The following RSBN1L variants were observed in gnomAD, a reference collection of about 807,000 sequenced individuals.
The protein encoded by RSBN1L is lysine-specific demethylase RSBN1L.
A neutral mutation model predicts 67.7 loss-of-function variants in RSBN1L; 30 were observed. That is an observed-to-expected ratio of 0.44 (90% CI 0.33 to 0.60). RSBN1L has a LOEUF of 0.60. RSBN1L is among the 20% of genes least tolerant of loss of function. The pLI, the probability that RSBN1L is intolerant of heterozygous loss-of-function variation, is 0.02. For missense variants in RSBN1L, 992 were observed against 1,031.7 expected, an observed-to-expected ratio of 0.96 and a Z score of 0.53; for synonymous variants, 433 against 387.0, an observed-to-expected ratio of 1.12 and a Z score of -1.39.
rs185824156 is a variant in RSBN1L at position 77,704,027 on chromosome 7, T to C, written c.586+6972T>C. Among the ~76,000 whole-genome samples, 220 of 152,350 alleles carry C rather than the reference T, an allele frequency of 1.4e-3. 1 individual carries two copies. Among genetic ancestry groups the C allele is most frequent in the African/African-American group, 5.1e-3 (214 of 41,580 alleles). On this transcript the variant is annotated intron_variant, in intron 1 of 7. Transcript: ENST00000334955. ...TTTCACAGGGTGATTGTTAGAATTATGTGAACATGGTATATTGTAGAACCT... is the reference window on the plus strand; with the variant it reads ...TTTCACAGGGTGATTGTTAGAATTACGTGAACATGGTATATTGTAGAACCT...
rs773215555 is a variant in RSBN1L at position 77,696,916 on chromosome 7, C to T, written c.447C>T (p.Ala149=). 3 of 1,602,386 alleles carry T rather than the reference C, an allele frequency of 1.9e-6. No individual in the cohort carries two copies. The highest frequency in any genetic ancestry group is 2.2e-5 in the East Asian group (1 of 44,666). ...PHHLLLPAAA[A]AASANAKSRR... is the part of the protein sequence containing the mutation. Reference sequence around the variant, plus strand: ...ATCTCCTCCTGCCCGCCGCCGCCGCCGCTGCCTCGGCTAACGCCAAGTCGC... The same window carrying T: ...ATCTCCTCCTGCCCGCCGCCGCCGCTGCTGCCTCGGCTAACGCCAAGTCGC... Residue 149 remains alanine (A), a synonymous_variant, in exon 1 of 8, where the codon GCC becomes GCT. Coordinates refer to ENST00000334955, the MANE Select transcript of RSBN1L (RefSeq NM_198467.3).
Position 77,709,198 on chromosome 7 carries a change from A to ATGTATG in RSBN1L, c.586+12159_586+12164dup, listed in dbSNP as rs1554337044. The stretch of plus-strand genomic sequence containing the variant: ...TGTGTGTGTGTGTGTGTGTGTGTGT[A>ATGTATG]TGTATGTGTATGTGTATGTGTGTCT... On this transcript the variant is annotated intron_variant, in intron 1 of 7. Transcript: ENST00000334955. 5.6e-3 allele frequency among the ~76,000 whole-genome samples: 358 copies of ATGTATG among 63,630 alleles called. 6 individuals carry two copies. The highest frequency in any genetic ancestry group is 0.014 in the African/African-American group (291 of 21,110). 41.7% of individuals were successfully genotyped at this position (63,630 alleles called of 152,430 possible). A position where few individuals can be genotyped will look rare whatever the true frequency, so the allele number is the denominator to read the frequency against.
At position 77,736,405 on chromosome 7, in the gene RSBN1L, TC is replaced by T; in HGVS notation, c.587-3del. On this transcript the variant is annotated splice_region_variant and splice_polypyrimidine_tract_variant and intron_variant, in intron 1 of 7. Transcript: ENST00000334955. Reference sequence around the variant, plus strand: ...TTTAAATATTTCCTTTGTTTTGTCTTCCAGATAAAATCAAAGACAAAATTAA... The same window carrying T: ...TTTAAATATTTCCTTTGTTTTGTCTTCAGATAAAATCAAAGACAAAATTAA... The T allele has an allele frequency of 9.9e-7, 1 of 1,013,378 alleles. No individual in the cohort carries two copies. Among genetic ancestry groups the T allele is most frequent in the Non-Finnish European group, 1.3e-6 (1 of 746,554 alleles). 62.8% of individuals were successfully genotyped at this position (1,013,378 alleles called of 1,614,324 possible). A position where few individuals can be genotyped will look rare whatever the true frequency, so the allele number is the denominator to read the frequency against.
At chr7:77,752,022 A>G (rs928583221) in intron 3 of RSBN1L, among the ~76,000 whole-genome samples, 1 of 152,232 alleles carries the variant, frequency 6.6e-6, no homozygotes. Context: ...GAATTATTTT[A>G]TACTAAATGA....
In RSBN1L at chr7:77,716,717, C is replaced by T. The variant is rs188226600; in HGVS notation, c.586+19662C>T. Among the ~76,000 whole-genome samples, 426 of 145,922 alleles carry T rather than the reference C, an allele frequency of 2.9e-3. 1 individual carries two copies. The highest frequency in any genetic ancestry group is 0.011 in the Middle Eastern group (3 of 270). ...CTCAGTCTTGGCTCACTGCAGTCTC[C>T]GCCTCCTGTGTTCAAGCGATTGTCC... On this transcript the variant is annotated intron_variant, in intron 1 of 7. Coordinates refer to ENST00000334955, the MANE Select transcript of RSBN1L (RefSeq NM_198467.3).
rs548642006 is a variant in RSBN1L, at chr7:77,749,341, TCTTA to T, written c.704-78_704-75del. ...CTGAGTAAATTTTCAGAAGTAAACT[TCTTA>T]CTTAGACAAAACTGTTCCTAAAGCA... On this transcript the variant is annotated intron_variant, in intron 2 of 7. Coordinates refer to ENST00000334955, the MANE Select transcript of RSBN1L (RefSeq NM_198467.3). 7.5e-5 allele frequency: 79 copies of T among 1,051,546 alleles called. No individual in the cohort carries two copies. The African/African-American group carries it at 9.9e-4, about 13-fold the overall frequency. The allele number at this position is 1,051,546 out of a possible 1,614,324, so 65.1% of individuals were successfully genotyped here.
intron 1 of RSBN1L, among the ~76,000 whole-genome samples, chr7:77,720,984 T>C (rs1482659714): frequency 6.6e-6 from 1 of 151,770 alleles, no homozygotes; most frequent in Non-Finnish European, 1.5e-5. Context: ...TCAAGTGATC[T>C]GCCTGCCTCG....
At chr7:77,706,967 C>T (rs1790900473) in intron 1 of RSBN1L, among the ~76,000 whole-genome samples, 1 of 151,688 alleles carries the variant, frequency 6.6e-6, no homozygotes, top group Admixed American at 6.6e-5. Flanking sequence ...CCATAATGTC[C>T]TCTCTTGGCT....
chr7:77,758,359 T>C (rs1316120534), intron 3 of RSBN1L, among the ~76,000 whole-genome samples: 1 of 152,202 alleles, frequency 6.6e-6, no homozygotes, highest in East Asian at 1.9e-4. Flanking sequence ...TTTTTAATAT[T>C]TGTGGGTACA....
chr7:77,700,499 G>A (rs1402983888), intron 1 of RSBN1L, among the ~76,000 whole-genome samples: 1 of 152,150 alleles, frequency 6.6e-6, no homozygotes, highest in African/African-American at 2.4e-5. Context: ...GAAAATAGCA[G>A]CTTTTCTTAG....
intron 1 of RSBN1L, among the ~76,000 whole-genome samples, chr7:77,709,137 T>C (rs1476540965): frequency 6.7e-6 from 1 of 149,600 alleles, no homozygotes; most frequent in Non-Finnish European, 1.5e-5. Flanking sequence ...CTGCTCGACA[T>C]AGAAGGGATT....
intron 1 of RSBN1L, among the ~76,000 whole-genome samples, chr7:77,701,500 A>G (rs989809921): frequency 6.6e-6 from 1 of 152,126 alleles, no homozygotes; most frequent in African/African-American, 2.4e-5. Flanking sequence ...TGGTTCCCAA[A>G]GTAGATGTTA....
At chr7:77,733,487 A>G (rs1270944670) in intron 1 of RSBN1L, among the ~76,000 whole-genome samples, 1 of 152,240 alleles carries the variant, frequency 6.6e-6, no homozygotes, top group African/African-American at 2.4e-5. Context: ...ACCCGAGTGC[A>G]TATTCTAAGA....
chr7:77,720,919 G>T (rs578056922), intron 1 of RSBN1L, among the ~76,000 whole-genome samples: 2 of 151,736 alleles, frequency 1.3e-5, no homozygotes, highest in African/African-American at 2.4e-5. Flanking sequence ...ACCTTGCCCG[G>T]CTACATTTTG....
At position 77,696,750 on chromosome 7, in the gene RSBN1L, C is replaced by T. The variant is rs1261229674; in HGVS notation, c.281C>T (p.Ala94Val). ...ASWSFAPLSAAPSPSSSRSSF... is the reference protein window; with the variant it reads ...ASWSFAPLSAVPSPSSSRSSF... ...TGGAGCTTTGCCCCTCTGTCTGCTG[C>T]TCCCTCCCCGTCCTCTTCTCGGAGC... The change falls in exon 1 of 8, where the codon GCT (alanine) becomes GTT (valine). Residue 94 changes from alanine to valine, a missense_variant. Around this residue, in one of 7 missense-constraint regions of RSBN1L, gnomAD observed 575 missense variants for 483.2 expected, o/e 1.19. Transcript: ENST00000334955. 4 of 1,613,824 alleles carry T rather than the reference C, an allele frequency of 2.5e-6. No homozygotes were observed. The Admixed American group carries it at 6.7e-5, about 27-fold the overall frequency.
intron 3 of RSBN1L, among the ~76,000 whole-genome samples, chr7:77,760,313 A>G (rs374508316): frequency 8.5e-5 from 13 of 152,164 alleles, no homozygotes; most frequent in African/African-American, 2.4e-4. Flanking sequence ...AATGGGTACA[A>G]TAGGTCTCCT....
intron 1 of RSBN1L, 85 bp downstream of exon 1, chr7:77,697,140 C>T: frequency 1.6e-6 from 2 of 1,276,220 alleles, no homozygotes; most frequent in Non-Finnish European, 2.0e-6. Flanking sequence ...GAAGGGGGAG[C>T]GCGGCGGCCG....
chr7:77,708,641 C>G (rs1022398862), intron 1 of RSBN1L, among the ~76,000 whole-genome samples: 2 of 151,680 alleles, frequency 1.3e-5, no homozygotes, highest in African/African-American at 2.4e-5. Flanking sequence ...CTCGACCTTC[C>G]AAAGTGCTGG....
At chr7:77,740,951 G>C (rs2150422487) in intron 2 of RSBN1L, among the ~76,000 whole-genome samples, 1 of 151,056 alleles carries the variant, frequency 6.6e-6, no homozygotes, top group East Asian at 1.9e-4. Context: ...GTGGCTTTGG[G>C]GAGGGTCTCC....
Sources: gnomAD v4.1 joint callset for allele counts (sites outside exome capture counted in the v4.1 genomes callset) on GRCh38, gnomAD v4.1.1 for gene constraint, gnomAD v4.1.1 regional missense constraint, MANE v1.5 for transcripts, NCBI Gene and HGNC (gene_info 2026-07-23, HGNC 2026-07-21) for gene names.